Variants in DSCAM observed in about 807,000 individuals in gnomAD.
DSCAM encodes the protein cell adhesion molecule DSCAM.
DSCAM carries 47 observed loss-of-function variants against 217.7 expected under a neutral mutation model. The ratio of observed to expected loss-of-function variants is 0.22; its 90% CI spans 0.17 to 0.28. The LOEUF (loss-of-function observed/expected upper bound fraction) is 0.28. Among genes scored for constraint, DSCAM ranks in the 10% least tolerant of loss-of-function variants. The pLI is 1.00. For synonymous variants in DSCAM, 1,056 were observed against 1,015.3 expected (o/e 1.04, Z -0.76); for missense variants, 2,080 against 2,618.3 (o/e 0.79, Z 4.49).
At chr21:40,596,700 G>A (rs1448660209) in intron 3 of DSCAM, among the ~76,000 whole-genome samples, 2 of 152,108 alleles carry the variant, frequency 1.3e-5, no homozygotes, top group Non-Finnish European at 1.5e-5. Context: ...TGGGTGATAC[G>A]AAATGTGCAC....
intron 1 of DSCAM, among the ~76,000 whole-genome samples, chr21:40,742,607 C>T (rs1178115122): frequency 1.3e-5 from 2 of 152,176 alleles, no homozygotes; most frequent in Non-Finnish European, 2.9e-5. Flanking sequence ...CAATATAAAA[C>T]TGATACATAT....
At chr21:40,440,004 G>A (rs927539360) in intron 3 of DSCAM, among the ~76,000 whole-genome samples, 1 of 152,284 alleles carries the variant, frequency 6.6e-6, no homozygotes, top group South Asian at 2.1e-4. Context: ...CCAAATCAGG[G>A]AGGATCAATG....
At chr21:40,445,733 A>C (rs1173064112) in intron 3 of DSCAM, among the ~76,000 whole-genome samples, 2 of 152,202 alleles carry the variant, frequency 1.3e-5, no homozygotes, top group Admixed American at 1.3e-4. Flanking sequence ...GCTCTGAAGA[A>C]TCCTCATCTC....
intron 2 of DSCAM, among the ~76,000 whole-genome samples, chr21:40,702,842 T>C (rs761593313): frequency 2.5e-4 from 38 of 152,200 alleles, no homozygotes; most frequent in Admixed American, 1.8e-3. Flanking sequence ...TATCACCATC[T>C]ATATTCAGGT....
At chr21:40,182,673 G>GGT (rs2090832394) in intron 14 of DSCAM, among the ~76,000 whole-genome samples, 1 of 29,250 alleles carries the variant, frequency 3.4e-5, no homozygotes, top group Non-Finnish European at 7.3e-5. Flanking sequence ...CGTGGACAGG[G>GGT]GGGGGTTACC....
At chr21:40,308,075 A>C (rs1038223067) in intron 9 of DSCAM, among the ~76,000 whole-genome samples, 1 of 152,114 alleles carries the variant, frequency 6.6e-6, no homozygotes, top group Admixed American at 6.5e-5. Flanking sequence ...CTAAAACTTA[A>C]AGAATAATAA....
At chr21:40,362,434 C>T (rs1007026007) in intron 4 of DSCAM, among the ~76,000 whole-genome samples, 4 of 152,198 alleles carry the variant, frequency 2.6e-5, no homozygotes, top group Non-Finnish European at 5.9e-5. Flanking sequence ...TTCAACCTCT[C>T]TCTCTTTGAG....
chr21:40,269,082 G>C (rs191513262), intron 11 of DSCAM, among the ~76,000 whole-genome samples: 101 of 152,276 alleles, frequency 6.6e-4, no homozygotes, highest in African/African-American at 2.0e-3. Context: ...CACTGTGGCT[G>C]AATCGCACTC....
At chr21:40,735,543 T>C (rs907568877) in intron 1 of DSCAM, among the ~76,000 whole-genome samples, 1 of 152,242 alleles carries the variant, frequency 6.6e-6, no homozygotes, top group African/African-American at 2.4e-5. Context: ...TTACCATTTG[T>C]GCAGTACCCA....
At chr21:40,548,885 T>C (rs537221974) in intron 3 of DSCAM, among the ~76,000 whole-genome samples, 1 of 152,294 alleles carries the variant, frequency 6.6e-6, no homozygotes, top group East Asian at 1.9e-4. Context: ...TAGTGCATTT[T>C]CCAAAAGCCA....
At chr21:40,292,538 A>T (rs7281665) in intron 10 of DSCAM, among the ~76,000 whole-genome samples, 6,318 of 152,136 alleles carry the variant, frequency 0.042, 444 homozygotes, top group African/African-American at 0.14. Flanking sequence ...TATTTTGGTT[A>T]TAAGAGACAG....
intron 3 of DSCAM, among the ~76,000 whole-genome samples, chr21:40,510,601 T>C (rs2076250742): frequency 6.6e-6 from 1 of 152,218 alleles, no homozygotes; most frequent in Non-Finnish European, 1.5e-5. Context: ...GGAAGGCCTC[T>C]ATAAGAAAGT....
chr21:40,611,388 A>G (rs754571367), intron 3 of DSCAM, among the ~76,000 whole-genome samples: 7 of 152,184 alleles, frequency 4.6e-5, no homozygotes, highest in Non-Finnish European at 7.4e-5. Flanking sequence ...CTGTTAGGTA[A>G]CACAGCGTAT....
chr21:40,133,747 G>A, intron 19 of DSCAM, 107 bp downstream of exon 19: 1 of 1,371,214 alleles, frequency 7.3e-7, no homozygotes, highest in African/African-American at 1.5e-5. Context: ...GGCAGCAAAG[G>A]TTTGCACTGA....
At chr21:40,121,163 G>T (rs1177011480) in intron 20 of DSCAM, among the ~76,000 whole-genome samples, 1 of 152,120 alleles carries the variant, frequency 6.6e-6, no homozygotes, top group East Asian at 1.9e-4. Flanking sequence ...AGCCAGAAAT[G>T]CAAATGCCTT....
chr21:40,727,142 C>T (rs142911860), intron 1 of DSCAM, among the ~76,000 whole-genome samples: 3 of 152,288 alleles, frequency 2.0e-5, no homozygotes, highest in African/African-American at 7.2e-5. Context: ...AGACTAATGA[C>T]GCCCCACAGG....
intron 2 of DSCAM, among the ~76,000 whole-genome samples, chr21:40,700,916 T>A (rs1386417733): frequency 1.3e-5 from 2 of 152,086 alleles, no homozygotes; most frequent in African/African-American, 4.8e-5. Context: ...TTTGTGTTTC[T>A]AGTAGAGATG....
At chr21:40,300,353 G>A (rs182281962) in intron 9 of DSCAM, among the ~76,000 whole-genome samples, 272 of 152,294 alleles carry the variant, frequency 1.8e-3, no homozygotes, top group Admixed American at 3.9e-3. Context: ...ATCAGGTGCT[G>A]ATGATTATTT....
rs2076527783 is a variant in DSCAM, at chr21:40,539,549, AT to A, written c.508+153260del. Among the ~76,000 whole-genome samples the A allele has an allele frequency of 3.3e-5, 5 of 151,846 alleles. No individual in the cohort carries two copies. The South Asian group carries it at 1.0e-3, about 32-fold the overall frequency. On this transcript the variant is annotated intron_variant, in intron 3 of 32. Coordinates refer to ENST00000400454, the MANE Select transcript of DSCAM (RefSeq NM_001389.5). ...AAATTGGGATTTCCAGTGAAATTTT[AT>A]TTGAGAAAAGGAGTTTATTTCTTAA...
Sources: allele counts gnomAD v4.1 joint callset (sites outside exome capture counted in the v4.1 genomes callset), GRCh38; gene constraint gnomAD v4.1.1; transcripts MANE v1.5; gene names NCBI Gene and HGNC (gene_info 2026-07-23, HGNC 2026-07-21).